RXRG: variants seen among roughly 807,000 people sequenced by gnomAD.
RXRG encodes the protein retinoid X receptor gamma.
RXRG carries 19 observed loss-of-function variants against 49.2 expected under a neutral mutation model. The observed-to-expected ratio is 0.39, with a 90% CI of 0.27 to 0.57. RXRG has a LOEUF of 0.57. Ranked by LOEUF, RXRG falls within the 20% of genes least tolerant of loss-of-function variation. RXRG has a pLI of 0.64. For synonymous variants in RXRG, 224 were observed against 216.6 expected (o/e 1.03, Z -0.30); for missense variants, 452 against 592.5 (o/e 0.76, Z 2.46).
chr1:165,439,638 G>T (rs965617225), intron 1 of RXRG, among the ~76,000 whole-genome samples: 14 of 152,306 alleles, frequency 9.2e-5, no homozygotes, highest in Middle Eastern at 3.4e-3. Flanking sequence ...CACATTCCTT[G>T]ATTTTTCCCC....
chr1:165,401,006 C>A lies in RXRG; in HGVS notation c.*257G>T. The A allele has an allele frequency of 2.3e-6, 1 of 429,520 alleles. No individual in the cohort carries two copies. The highest frequency in any genetic ancestry group is 4.1e-6 in the Non-Finnish European group (1 of 243,530). 26.6% of individuals were successfully genotyped at this position (429,520 alleles called of 1,614,324 possible). On this transcript the variant is annotated 3_prime_UTR_variant, in exon 10 of 10. Transcript: ENST00000359842. ...AAATAATTTAAACCAATTGTATGTA[C>A]AGAGGCTTGATTAGTTTTCCCAAGA... is the stretch of plus-strand genomic sequence containing the variant.
At chr1:165,419,700 T>C (rs1233988320) in intron 3 of RXRG, among the ~76,000 whole-genome samples, 170 bp downstream of exon 3, 1 of 152,226 alleles carries the variant, frequency 6.6e-6, no homozygotes, top group Non-Finnish European at 1.5e-5. Context: ...ATCCTTTAAA[T>C]TCATCAAAAC....
chr1:165,421,445 G>A (rs906648865), intron 2 of RXRG, among the ~76,000 whole-genome samples: 1 of 151,618 alleles, frequency 6.6e-6, no homozygotes. Context: ...CATCCCTGGG[G>A]GCTTTGAAAA....
At chr1:165,433,181 C>T (rs931419145) in intron 1 of RXRG, among the ~76,000 whole-genome samples, 5 of 152,052 alleles carry the variant, frequency 3.3e-5, no homozygotes, top group Admixed American at 1.3e-4. Flanking sequence ...TGTGAGGCAC[C>T]ATCTTTGGAA....
chr1:165,403,996 G>C (rs139822811), intron 9 of RXRG, among the ~76,000 whole-genome samples: 1,645 of 152,318 alleles, frequency 0.011, 37 homozygotes, highest in African/African-American at 0.038. Flanking sequence ...TCTGTGACCT[G>C]ACTTTTGATC....
rs779244874 is a variant in RXRG at position 165,409,601 on chromosome 1, G to A, written c.1003C>T (p.Arg335Trp). The A allele has an allele frequency of 1.0e-5, 16 of 1,569,080 alleles. No individual in the cohort carries two copies. The highest frequency in any genetic ancestry group is 6.0e-5 in the South Asian group (5 of 83,396). ...ILLATGLHVHRSSAHSAGVGS... is the reference protein window; with the variant it reads ...ILLATGLHVHWSSAHSAGVGS... The stretch of plus-strand genomic sequence containing the variant: ...ACCCCAGCACTGTGGGCACTGCTCC[G>A]GTGGACATGTAAACCCGTGGCCAGA... The change falls in exon 7 of 10, where the codon CGG becomes TGG. Residue 335 changes from arginine to tryptophan, a missense_variant. Physicochemically the swap from Arg to Trp is moderately radical, Grantham distance 101. Transcript: ENST00000359842.
intron 9 of RXRG, 50 bp from the exon 10 acceptor site, chr1:165,401,460 C>T: frequency 6.2e-7 from 1 of 1,603,664 alleles, no homozygotes; most frequent in Non-Finnish European, 8.5e-7. Context: ...AGGCACTGCA[C>T]ACCTGCACCT....
intron 1 of RXRG, among the ~76,000 whole-genome samples, chr1:165,442,819 G>A (rs746230902): frequency 6.6e-6 from 1 of 152,160 alleles, no homozygotes; most frequent in Non-Finnish European, 1.5e-5. Flanking sequence ...TAGAGAGAAA[G>A]GTGCTAAGGC....
intron 1 of RXRG, among the ~76,000 whole-genome samples, chr1:165,438,276 T>G (rs1403172095): frequency 1.3e-5 from 2 of 152,124 alleles, no homozygotes; most frequent in Admixed American, 1.3e-4. Flanking sequence ...TCAAAGGAAA[T>G]GCTAATTGGA....
At chr1:165,416,921 T>C (rs2281985) in intron 4 of RXRG, 120 bp downstream of exon 4, 471,597 of 951,004 alleles carry the variant, frequency 0.5, 120,814 homozygotes, top group South Asian at 0.57. Context: ...GGAAAGAAAT[T>C]TGAAGTGGAG....
At chr1:165,424,710 T>G in intron 2 of RXRG, 5 of 902,014 alleles carry the variant, frequency 5.5e-6, no homozygotes, top group Non-Finnish European at 6.6e-6. Flanking sequence ...CTCCCACCCC[T>G]AGACACTTCC....
At chr1:165,438,679 G>A (rs1014682647) in intron 1 of RXRG, among the ~76,000 whole-genome samples, 3 of 152,162 alleles carry the variant, frequency 2.0e-5, no homozygotes, top group Admixed American at 2.0e-4. Context: ...ATATGGCCTT[G>A]GGCAAGTCTC....
intron 4 of RXRG, among the ~76,000 whole-genome samples, chr1:165,412,256 G>A (rs176111): frequency 1 from 152,255 of 152,306 alleles, 76,102 homozygotes; most frequent in East Asian, 1. Context: ...CACAACTTAT[G>A]CTCCAAAACT....
intron 7 of RXRG, among the ~76,000 whole-genome samples, chr1:165,409,175 C>T (rs556245052): frequency 6.6e-6 from 1 of 152,230 alleles, no homozygotes; most frequent in East Asian, 1.9e-4. Context: ...CATCCTTGGC[C>T]CCCAGGATAA....
intron 9 of RXRG, among the ~76,000 whole-genome samples, chr1:165,402,543 C>T (rs995881227): frequency 6.9e-6 from 1 of 144,696 alleles, no homozygotes; most frequent in Non-Finnish European, 1.5e-5. Context: ...CATTATCCTA[C>T]ACACTCACAC....
At chr1:165,432,378 A>G (rs974672219) in intron 1 of RXRG, among the ~76,000 whole-genome samples, 1 of 152,258 alleles carries the variant, frequency 6.6e-6, no homozygotes, top group South Asian at 2.1e-4. Flanking sequence ...AGACAAATAC[A>G]TCTTAGACAA....
intron 4 of RXRG, among the ~76,000 whole-genome samples, chr1:165,416,045 C>T (rs1181853411): frequency 6.6e-6 from 1 of 152,210 alleles, no homozygotes; most frequent in Non-Finnish European, 1.5e-5. Flanking sequence ...AATTTGTTTG[C>T]TCATGGGTGA....
chr1:165,421,769 C>A (rs183471560), intron 2 of RXRG, among the ~76,000 whole-genome samples: 154 of 152,162 alleles, frequency 1.0e-3, no homozygotes, highest in Non-Finnish European at 8.2e-4. Flanking sequence ...TGACCTCAGG[C>A]AATCTGCCCG....
At chr1:165,435,549 G>T (rs567842615) in intron 1 of RXRG, among the ~76,000 whole-genome samples, 2 of 152,304 alleles carry the variant, frequency 1.3e-5, no homozygotes, top group Non-Finnish European at 2.9e-5. Flanking sequence ...ATAGTGGAAG[G>T]TAAGCCCAGA....
Sources: allele counts gnomAD v4.1 joint callset (sites outside exome capture counted in the v4.1 genomes callset), GRCh38; gene constraint gnomAD v4.1.1; transcripts MANE v1.5; gene names NCBI Gene and HGNC (gene_info 2026-07-23, HGNC 2026-07-21).